The following INPP5D variants were observed in gnomAD, a reference collection of about 807,000 sequenced individuals.
INPP5D encodes the protein phosphatidylinositol 3,4,5-trisphosphate 5-phosphatase 1.
Under a neutral mutation model 122.9 loss-of-function variants are expected in INPP5D, and 33 were observed. That is an observed-to-expected ratio of 0.27 (90% CI 0.20 to 0.36). The LOEUF (loss-of-function observed/expected upper bound fraction) is 0.36, where lower values mean the gene tolerates loss of function less well. Among genes scored for constraint, INPP5D ranks in the 10% least tolerant of loss-of-function variants. INPP5D has a pLI of 1.00. For synonymous variants in INPP5D, 584 were observed against 576.2 expected (o/e 1.01, Z -0.19); for missense variants, 1,053 against 1,412.7 (o/e 0.75, Z 4.08).
intron 23 of INPP5D, 41 bp downstream of exon 23, chr2:233,194,002 C>T (rs777291683): frequency 9.8e-6 from 15 of 1,532,310 alleles, no homozygotes; most frequent in South Asian, 1.3e-5. Context: ...TTCAGCCCCC[C>T]ACTTAGGGAC....
chr2:233,097,336 T>A (rs4973605), intron 2 of INPP5D, among the ~76,000 whole-genome samples: 107,166 of 152,066 alleles, frequency 0.7, 37,983 homozygotes, highest in Middle Eastern at 0.8. Flanking sequence ...TTCCAGGTGA[T>A]TTTTAAAATC....
In INPP5D at chr2:233,189,458, A is replaced by C. The variant is rs1189377738; in HGVS notation, c.2359-392A>C. Among the ~76,000 whole-genome samples the C allele has an allele frequency of 1.3e-5, 2 of 152,148 alleles. No homozygotes were observed. Among genetic ancestry groups the C allele is most frequent in the Non-Finnish European group, 2.9e-5 (2 of 68,016 alleles). On this transcript the variant is annotated intron_variant, in intron 21 of 26. Transcript: ENST00000445964. The surrounding 1 kb of genome is among the most constrained non-coding windows in gnomAD (Gnocchi z 5.6). Reference sequence around the variant, plus strand: ...GGGAGCCTGGCGCAGGGTGGAGTGCATGGATCATTCCAGACCTGGTGCCTG... The same window carrying C: ...GGGAGCCTGGCGCAGGGTGGAGTGCCTGGATCATTCCAGACCTGGTGCCTG...
chr2:233,123,750 ATGT>A (rs774415654), intron 3 of INPP5D, among the ~76,000 whole-genome samples: 1 of 152,258 alleles, frequency 6.6e-6, no homozygotes, highest in African/African-American at 2.4e-5. Context: ...GATAAAGAAA[ATGT>A]TGTATATATA....
At chr2:233,195,826 G>C (rs867627401) in intron 24 of INPP5D, among the ~76,000 whole-genome samples, 90 of 152,158 alleles carry the variant, frequency 5.9e-4, no homozygotes, top group African/African-American at 2.1e-3. Context: ...AATTAGCTGG[G>C]CGTGGTGGTG....
At chr2:233,136,314 C>T (rs533969228) in intron 5 of INPP5D, among the ~76,000 whole-genome samples, 1 of 152,206 alleles carries the variant, frequency 6.6e-6, no homozygotes, top group African/African-American at 2.4e-5. Context: ...TCCATCTACA[C>T]TAAAAATACA....
intron 14 of INPP5D, 45 bp from the exon 15 acceptor site, chr2:233,169,981 G>T (rs761610160): frequency 1.2e-6 from 2 of 1,612,390 alleles, no homozygotes; most frequent in Non-Finnish European, 1.7e-6. Context: ...AGTGGAGGGG[G>T]AACCAGTGAC....
chr2:233,137,947 T>C (rs1214903627), intron 5 of INPP5D, among the ~76,000 whole-genome samples: 1 of 100,878 alleles, frequency 9.9e-6, no homozygotes, highest in Non-Finnish European at 2.2e-5. Flanking sequence ...ATTATTATGA[T>C]ATAATGATAT....
chr2:233,145,575 C>A (rs1249760948), intron 6 of INPP5D, among the ~76,000 whole-genome samples: 6 of 151,976 alleles, frequency 3.9e-5, no homozygotes, highest in South Asian at 4.2e-4. Flanking sequence ...GGGGCTGAGA[C>A]CTGAATGATG....
intron 2 of INPP5D, among the ~76,000 whole-genome samples, chr2:233,102,869 C>CAAAAAAAAAAAAAAA (rs1041744645): frequency 2.7e-5 from 4 of 145,992 alleles, no homozygotes; most frequent in African/African-American, 1.0e-4. Flanking sequence ...AAAAAACAAC[C>CAAAAAAAAAAAAAAA]AAAAAACCAC....
chr2:233,145,926 G>A (rs922113406), intron 6 of INPP5D: 17 of 664,838 alleles, frequency 2.6e-5, no homozygotes, highest in Middle Eastern at 2.4e-4. Flanking sequence ...GAGAAGCACC[G>A]GGGGAGAGGC....
At chr2:233,148,590 G>A (rs1246168224) in intron 9 of INPP5D, among the ~76,000 whole-genome samples, 2 of 152,238 alleles carry the variant, frequency 1.3e-5, no homozygotes, top group South Asian at 2.1e-4. Flanking sequence ...TGCCCAGTGC[G>A]GGGCCACATG....
intron 1 of INPP5D, among the ~76,000 whole-genome samples, chr2:233,070,362 C>A (rs1691344321): frequency 6.6e-6 from 1 of 151,892 alleles, no homozygotes; most frequent in African/African-American, 2.4e-5. Context: ...CACAGAAATT[C>A]ACTTGTTTCT....
chr2:233,080,548 G>A (rs1047651763), intron 2 of INPP5D, among the ~76,000 whole-genome samples: 2 of 152,032 alleles, frequency 1.3e-5, no homozygotes, highest in Non-Finnish European at 2.9e-5. Flanking sequence ...CAGAGTAGCC[G>A]GGGTCGACAA....
intron 2 of INPP5D, among the ~76,000 whole-genome samples, chr2:233,101,495 C>A (rs936735155): frequency 1.3e-5 from 2 of 149,886 alleles, no homozygotes; most frequent in Admixed American, 1.3e-4. Context: ...AATCCCCAAA[C>A]TCTTATTTAT....
chr2:233,130,702 A>C, intron 5 of INPP5D, 54 bp downstream of exon 5: 1 of 1,600,156 alleles, frequency 6.2e-7, no homozygotes, highest in Non-Finnish European at 8.6e-7. Flanking sequence ...AGGTGAGAGA[A>C]ACAGCTCATG....
rs140517603 is a variant in INPP5D, at chr2:233,184,019, T to C, written c.2162-389T>C. ...GAGAGAGAGCTGCTAGCCCTCATTATCTGAACTCAGAAACAGCATTGATCT... is the reference window on the plus strand; with the variant it reads ...GAGAGAGAGCTGCTAGCCCTCATTACCTGAACTCAGAAACAGCATTGATCT... On this transcript the variant is annotated intron_variant, in intron 19 of 26. Coordinates refer to ENST00000445964, the MANE Select transcript of INPP5D (RefSeq NM_001017915.3). Among the ~76,000 whole-genome samples, 493 of 152,304 alleles carry C rather than the reference T, an allele frequency of 3.2e-3. 10 individuals carry two copies. The highest frequency in any genetic ancestry group is 0.027 in the Admixed American group (416 of 15,296).
At chr2:233,070,779 TC>T (rs1691359538) in intron 1 of INPP5D, among the ~76,000 whole-genome samples, 1 of 152,158 alleles carries the variant, frequency 6.6e-6, no homozygotes, top group Non-Finnish European at 1.5e-5. Context: ...GGGCCCTGGT[TC>T]CCCTTTCGAA....
rs774713890 is a variant in INPP5D at position 233,122,088 on chromosome 2, TTGGA to T, written c.199-16_199-13del. 2.5e-6 allele frequency: 4 copies of T among 1,612,858 alleles called. No homozygotes were observed. The African/African-American group carries it at 5.3e-5, about 22-fold the overall frequency. ...CTAGTTGGTTAACATGTGCGTTTGT[TTGGA>T]TGTTCTGTCCTCAGGCATCCGAAGG... On this transcript the variant is annotated splice_polypyrimidine_tract_variant and intron_variant, in intron 2 of 26. Transcript: ENST00000445964.
chr2:233,065,309 T>TG (rs1347857281), intron 1 of INPP5D, among the ~76,000 whole-genome samples: 14 of 137,862 alleles, frequency 1.0e-4, no homozygotes, highest in Non-Finnish European at 2.0e-4. Flanking sequence ...CTTCTTGGGT[T>TG]TTTTTTTTTT....
Sources: allele counts gnomAD v4.1 joint callset (sites outside exome capture counted in the v4.1 genomes callset), GRCh38; gene constraint gnomAD v4.1.1; non-coding constraint Gnocchi (gnomAD v3.1); transcripts MANE v1.5; gene names NCBI Gene and HGNC (gene_info 2026-07-23, HGNC 2026-07-21).